Variants in PLCE1 observed in about 807,000 individuals in gnomAD.
PLCE1 encodes the protein 1-phosphatidylinositol 4,5-bisphosphate phosphodiesterase epsilon-1.
A neutral mutation model predicts 242.8 loss-of-function variants in PLCE1; 119 were observed. The observed-to-expected ratio is 0.49, with a 90% CI of 0.42 to 0.57. The LOEUF is 0.57. Ranked by LOEUF, PLCE1 falls within the 20% of genes least tolerant of loss-of-function variation. The probability of loss-of-function intolerance (pLI) is 0.00; values close to 1 mark genes in which losing one functional copy is unlikely to be tolerated. For synonymous variants in PLCE1, 945 were observed against 1,017.4 expected, an observed-to-expected ratio of 0.93 and a Z score of 1.35; for missense variants, 2,441 against 2,788.8, an observed-to-expected ratio of 0.88 and a Z score of 2.81.
chr10:94,111,335 A>G (rs765524542), intron 2 of PLCE1, among the ~76,000 whole-genome samples: 65 of 152,346 alleles, frequency 4.3e-4, no homozygotes, highest in Non-Finnish European at 6.8e-4. Flanking sequence ...AACGAGGCTC[A>G]CTAGGACTGA....
At chr10:94,288,625 C>A (rs749286817) in intron 22 of PLCE1, among the ~76,000 whole-genome samples, 1 of 152,144 alleles carries the variant, frequency 6.6e-6, no homozygotes, top group African/African-American at 2.4e-5. Flanking sequence ...GCCAGATGAT[C>A]TGGAAGTCTG....
intron 1 of PLCE1, among the ~76,000 whole-genome samples, chr10:94,009,230 G>A (rs2134249847): frequency 6.6e-6 from 1 of 152,252 alleles, no homozygotes; most frequent in East Asian, 1.9e-4. Context: ...GGCAAGAGCA[G>A]GGGCAAGAGA....
intron 2 of PLCE1, among the ~76,000 whole-genome samples, chr10:94,079,453 G>A (rs191665196): frequency 7.6e-4 from 115 of 152,224 alleles, no homozygotes; most frequent in Non-Finnish European, 1.4e-3. Context: ...CTGTCGTGGG[G>A]TGGGGAGCGA....
At chr10:94,132,698 C>T (rs1229689396) in intron 3 of PLCE1, among the ~76,000 whole-genome samples, 1 of 151,444 alleles carries the variant, frequency 6.6e-6, no homozygotes, top group East Asian at 2.1e-4. Context: ...CACCTGTAAT[C>T]CCAGCACTTT....
intron 2 of PLCE1, among the ~76,000 whole-genome samples, chr10:94,081,325 G>A (rs1479698326): frequency 6.6e-6 from 1 of 152,080 alleles, no homozygotes; most frequent in African/African-American, 2.4e-5. Flanking sequence ...ATTATCATGT[G>A]TTGTGTAGAA....
At chr10:94,028,069 C>G (rs1316114430) in intron 1 of PLCE1, among the ~76,000 whole-genome samples, 3 of 152,124 alleles carry the variant, frequency 2.0e-5, no homozygotes, top group Non-Finnish European at 2.9e-5. Context: ...CTTAGCTTTT[C>G]TTTGCTTTGG....
chr10:94,273,281 A>G (rs2051818291), intron 18 of PLCE1, among the ~76,000 whole-genome samples: 1 of 152,152 alleles, frequency 6.6e-6, no homozygotes, highest in African/African-American at 2.4e-5. Context: ...TTCTTATTTA[A>G]TACATCAGAC....
At chr10:94,097,507 T>C (rs1175597331) in intron 2 of PLCE1, among the ~76,000 whole-genome samples, 1 of 152,192 alleles carries the variant, frequency 6.6e-6, no homozygotes, top group Non-Finnish European at 1.5e-5. Context: ...CAGACAAGCC[T>C]CCTTCCCTTT....
chr10:94,264,857 G>C (rs192502509), intron 14 of PLCE1, among the ~76,000 whole-genome samples: 2 of 152,210 alleles, frequency 1.3e-5, no homozygotes, highest in Admixed American at 1.3e-4. Context: ...GCCACGCATG[G>C]TGGCACAAAC....
intron 29 of PLCE1, among the ~76,000 whole-genome samples, chr10:94,317,824 T>C (rs2053631016): frequency 6.6e-6 from 1 of 152,170 alleles, no homozygotes. Flanking sequence ...TCATGCGTCA[T>C]GACATGTTGA....
intron 1 of PLCE1, among the ~76,000 whole-genome samples, chr10:94,010,062 G>C (rs1237390548): frequency 2.0e-5 from 3 of 152,206 alleles, no homozygotes; most frequent in African/African-American, 7.2e-5. Context: ...CTCCCTCCAT[G>C]GCAGGCTTCT....
intron 14 of PLCE1, among the ~76,000 whole-genome samples, chr10:94,264,255 T>C (rs147523378): frequency 2.6e-4 from 40 of 152,192 alleles, no homozygotes; most frequent in African/African-American, 8.7e-4. Context: ...TTTGATGGTC[T>C]CGGGAAAGAG....
In PLCE1 at chr10:94,122,820, T is replaced by C. The variant is rs141827333; in HGVS notation, c.1207-9354T>C. On this transcript the variant is annotated intron_variant, in intron 2 of 32. Transcript: ENST00000371380. ...GAAGGGCTTGCTAAAACACAGATTA[T>C]TGGGTCCCAGCCCAGAGTTTTTGAT... Among the ~76,000 whole-genome samples the C allele has an allele frequency of 2.0e-4, 30 of 152,332 alleles. No individual in the cohort carries two copies. In the East Asian group the frequency reaches 4.6e-3, roughly 23 times the overall value.
intron 3 of PLCE1, among the ~76,000 whole-genome samples, chr10:94,163,962 A>G (rs1009829958): frequency 1.3e-5 from 2 of 152,098 alleles, no homozygotes; most frequent in Non-Finnish European, 2.9e-5. Flanking sequence ...TTTTCTTTAA[A>G]AATGTTGAAT....
At chr10:94,089,026 A>T in intron 2 of PLCE1, 7 of 1,546,210 alleles carry the variant, frequency 4.5e-6, no homozygotes, top group Non-Finnish European at 6.2e-6. Flanking sequence ...AACACTCATC[A>T]CCCTGCACGT....
rs770810804 is a variant in PLCE1 at position 94,132,317 on chromosome 10, A to G, written c.1350A>G (p.Val450=). ...TAAAGCAATGTGTCCGAGACACTGT[A>G]TGTGAGTATCGCGCCACCCTCCAAA... ...PCLKQCVRDT[V]CEYRATLQRT... Residue 450 remains valine (V), a synonymous_variant, in exon 3 of 33, where the codon GTA becomes GTG. Coordinates refer to ENST00000371380, the MANE Select transcript of PLCE1 (RefSeq NM_016341.4). 6.2e-7 allele frequency: 1 copy of G among 1,614,088 alleles called. No homozygotes were observed. Among genetic ancestry groups the G allele is most frequent in the South Asian group, 1.1e-5 (1 of 91,066 alleles).
chr10:94,025,060 GT>G (rs201891784), intron 1 of PLCE1, among the ~76,000 whole-genome samples: 22 of 148,912 alleles, frequency 1.5e-4, no homozygotes, highest in Non-Finnish European at 2.7e-4. Flanking sequence ...TTTCTATCTT[GT>G]TTTTTTTTTC....
intron 22 of PLCE1, among the ~76,000 whole-genome samples, chr10:94,290,334 T>C (rs1589485803): frequency 6.6e-6 from 1 of 150,494 alleles, no homozygotes; most frequent in African/African-American, 2.4e-5. Context: ...CTTATTTTTC[T>C]CCTTTTTTTT....
rs1316813898 is a variant in PLCE1, at chr10:94,240,230, A to G, written c.2420+4110A>G. ...TAACTTAAACTCAAGCCAGACAACAATAACATTAGCAATATTTAAGATGCT... is the reference window on the plus strand; with the variant it reads ...TAACTTAAACTCAAGCCAGACAACAGTAACATTAGCAATATTTAAGATGCT... On this transcript the variant is annotated intron_variant, in intron 7 of 32. Transcript: ENST00000371380. Among the ~76,000 whole-genome samples the G allele has an allele frequency of 2.0e-5, 3 of 152,242 alleles. No homozygotes were observed. In the East Asian group the frequency reaches 5.8e-4, roughly 29 times the overall value.
Sources: gnomAD v4.1 joint callset for allele counts (sites outside exome capture counted in the v4.1 genomes callset) on GRCh38, gnomAD v4.1.1 for gene constraint, MANE v1.5 for transcripts, NCBI Gene and HGNC (gene_info 2026-07-23, HGNC 2026-07-21) for gene names.